Variants in SKAP2 observed in about 807,000 individuals in gnomAD.
SKAP2 encodes src kinase-associated phosphoprotein 2.
In SKAP2, 28 loss-of-function variants were observed where a neutral mutation model predicts 54.9. That is an observed-to-expected ratio of 0.51 (90% CI 0.38 to 0.70). The LOEUF is 0.70. Ranked by LOEUF, SKAP2 falls within the 30% of genes least tolerant of loss-of-function variation. The probability of loss-of-function intolerance (pLI) is 0.00; values close to 1 mark genes in which losing one functional copy is unlikely to be tolerated. For missense variants in SKAP2, 356 were observed against 424.1 expected, an observed-to-expected ratio of 0.84 and a Z score of 1.41; for synonymous variants, 137 against 134.3, an observed-to-expected ratio of 1.02 and a Z score of -0.14.
intron 4 of SKAP2, among the ~76,000 whole-genome samples, chr7:26,801,464 T>C (rs55836768): frequency 0.3 from 45,398 of 152,068 alleles, 7,066 homozygotes; most frequent in Middle Eastern, 0.37. Flanking sequence ...AAGATGCCCA[T>C]TGTCACTGCT....
At chr7:26,694,439 T>C (rs1786853109) in intron 9 of SKAP2, among the ~76,000 whole-genome samples, 1 of 151,420 alleles carries the variant, frequency 6.6e-6, no homozygotes, top group Non-Finnish European at 1.5e-5. Context: ...AATCACACAT[T>C]GTTAGAAGAA....
chr7:26,833,373 G>C (rs1251809031), intron 4 of SKAP2, among the ~76,000 whole-genome samples: 1 of 143,728 alleles, frequency 7.0e-6, no homozygotes, highest in Admixed American at 7.2e-5. Context: ...CCCAGCCTGG[G>C]TGACAAAGAG....
intron 6 of SKAP2, among the ~76,000 whole-genome samples, chr7:26,732,958 C>A (rs1787851769): frequency 6.6e-6 from 1 of 152,080 alleles, no homozygotes; most frequent in African/African-American, 2.4e-5. Flanking sequence ...GTTAGAGAGT[C>A]TCTTAGCCAT....
intron 4 of SKAP2, among the ~76,000 whole-genome samples, chr7:26,775,921 T>C (rs1441601941): frequency 6.6e-6 from 1 of 152,172 alleles, no homozygotes; most frequent in African/African-American, 2.4e-5. Flanking sequence ...GCATAGTTTG[T>C]TTCTACCTGG....
At chr7:26,863,111 A>C (rs1452601282) in intron 1 of SKAP2, among the ~76,000 whole-genome samples, 1 of 152,174 alleles carries the variant, frequency 6.6e-6, no homozygotes, top group East Asian at 1.9e-4. Context: ...CTATCCCACC[A>C]CAAATGCATT....
At chr7:26,836,884 A>G (rs905167734) in intron 4 of SKAP2, among the ~76,000 whole-genome samples, 1 of 152,246 alleles carries the variant, frequency 6.6e-6, no homozygotes, top group African/African-American at 2.4e-5. Context: ...AGATACATGA[A>G]CACGTATGTT....
At chr7:26,658,364 T>C in the SKAP2 span, among the ~76,000 whole-genome samples, 1 of 152,190 alleles carries the variant, frequency 6.6e-6, no homozygotes, top group East Asian at 1.9e-4. Context: ...TTTGTGCAGA[T>C]CATTTTACGT....
chr7:26,794,491 A>G (rs1460676878), intron 4 of SKAP2, among the ~76,000 whole-genome samples: 1 of 152,230 alleles, frequency 6.6e-6, no homozygotes, highest in African/African-American at 2.4e-5. Flanking sequence ...TTTGGGTTGG[A>G]TAAAAGTTGC....
intron 4 of SKAP2, among the ~76,000 whole-genome samples, chr7:26,744,683 T>G (rs946049932): frequency 6.6e-6 from 1 of 151,834 alleles, no homozygotes; most frequent in Non-Finnish European, 1.5e-5. Context: ...TATTCCAGGG[T>G]CTTCCCTAAC....
intron 4 of SKAP2, among the ~76,000 whole-genome samples, chr7:26,754,876 G>T (rs914921252): frequency 6.6e-6 from 1 of 152,118 alleles, no homozygotes; most frequent in Non-Finnish European, 1.5e-5. Flanking sequence ...ATAAATATGT[G>T]AAATATACAA....
At chr7:26,683,060 T>C (rs902938505) in intron 11 of SKAP2, among the ~76,000 whole-genome samples, 4 of 152,122 alleles carry the variant, frequency 2.6e-5, no homozygotes, top group African/African-American at 9.7e-5. Flanking sequence ...ACAAAAGGAG[T>C]ATAATAGCTA....
chr7:26,856,501 C>T (rs1785166982), intron 1 of SKAP2, among the ~76,000 whole-genome samples: 1 of 152,090 alleles, frequency 6.6e-6, no homozygotes, highest in Non-Finnish European at 1.5e-5. Context: ...AGTACCAGTG[C>T]AAATTAGACA....
chr7:26,683,535 T>TGTAA, intron 11 of SKAP2, among the ~76,000 whole-genome samples: 1 of 147,174 alleles, frequency 6.8e-6, no homozygotes, highest in South Asian at 2.2e-4. Flanking sequence ...GATGGATGGA[T>TGTAA]GGAAGGAAGG....
intron 4 of SKAP2, among the ~76,000 whole-genome samples, chr7:26,806,369 A>G (rs554934224): frequency 6.6e-6 from 1 of 152,304 alleles, no homozygotes; most frequent in African/African-American, 2.4e-5. Context: ...CCTGGGCAAT[A>G]TAGTGAGACC....
chr7:26,668,331 CA>C lies in SKAP2; in HGVS notation c.*1334del, dbSNP rs915307565. 1.3e-5 allele frequency: 2 copies of C among 152,210 alleles called. No homozygotes were observed. Among genetic ancestry groups the C allele is most frequent in the African/African-American group, 4.8e-5 (2 of 41,460 alleles). 9.4% of individuals were successfully genotyped at this position (152,210 alleles called of 1,614,324 possible). ...TGCATTTTGACATATGTTAAGGCTA[CA>C]TTGGTATCTCATAGGTATTTTAAAC... On this transcript the variant is annotated 3_prime_UTR_variant, in exon 13 of 13. Transcript: ENST00000345317.
At chr7:26,733,885 C>A (rs1176630988) in intron 6 of SKAP2, among the ~76,000 whole-genome samples, 1 of 152,172 alleles carries the variant, frequency 6.6e-6, no homozygotes, top group Non-Finnish European at 1.5e-5. Context: ...ATTCTTTAAT[C>A]AGGTTTCAGC....
chr7:26,724,321 G>T (rs1486057138), intron 9 of SKAP2, among the ~76,000 whole-genome samples: 5 of 152,090 alleles, frequency 3.3e-5, no homozygotes, highest in Admixed American at 3.3e-4. Flanking sequence ...TATGCTGAAA[G>T]CCTTCCATAA....
intron 9 of SKAP2, among the ~76,000 whole-genome samples, chr7:26,695,101 C>A (rs1215152604): frequency 6.6e-6 from 1 of 152,002 alleles, no homozygotes; most frequent in Non-Finnish European, 1.5e-5. Flanking sequence ...CTGATTTTAT[C>A]ATCTCTTCCA....
At chr7:26,660,396 T>C in the SKAP2 span, among the ~76,000 whole-genome samples, 1 of 152,118 alleles carries the variant, frequency 6.6e-6, no homozygotes, top group African/African-American at 2.4e-5. Flanking sequence ...TATATCAATT[T>C]TTAAAATTTC....
Sources: allele counts gnomAD v4.1 joint callset (sites outside exome capture counted in the v4.1 genomes callset), GRCh38; gene constraint gnomAD v4.1.1; transcripts MANE v1.5; gene names NCBI Gene and HGNC (gene_info 2026-07-23, HGNC 2026-07-21).